The following HERC5 variants were observed in gnomAD, a reference collection of about 807,000 sequenced individuals.
The protein encoded by HERC5 is E3 ISG15--protein ligase HERC5.
Under a neutral mutation model 119.6 loss-of-function variants are expected in HERC5, and 99 were observed. The observed-to-expected ratio is 0.83, with a 90% CI of 0.70 to 0.98. HERC5 has a LOEUF of 0.98. HERC5 is among the 50% of genes least tolerant of loss of function. The pLI is 0.00. For missense variants in HERC5, 1,267 were observed against 1,241.3 expected (o/e 1.02, Z -0.31); for synonymous variants, 478 against 445.9 (o/e 1.07, Z -0.91).
Position 88,470,522 on chromosome 4 carries a change from T to G in HERC5, c.1239-92T>G, listed in dbSNP as rs887845901. 3 of 683,970 alleles carry G rather than the reference T, an allele frequency of 4.4e-6. No homozygotes were observed. The African/African-American group carries it at 5.6e-5, about 13-fold the overall frequency. The allele number at this position is 683,970 out of a possible 1,614,324, so 42.4% of individuals were successfully genotyped here. On this transcript the variant is annotated intron_variant, in intron 9 of 22. Transcript: ENST00000264350. ...AGGTTGGAAGGATAGTTATAAGATG[T>G]GGTATTTATCATGTCTCATGCTGTA... is the stretch of plus-strand genomic sequence containing the variant.
At chr4:88,461,586 C>G (rs143343865) in intron 3 of HERC5, among the ~76,000 whole-genome samples, 6 of 152,222 alleles carry the variant, frequency 3.9e-5, no homozygotes, top group South Asian at 2.1e-4. Context: ...ATTGTCAGCT[C>G]TATCAGATAA....
intron 11 of HERC5, among the ~76,000 whole-genome samples, chr4:88,475,312 TTTTC>T (rs1344630225): frequency 1.3e-4 from 19 of 150,202 alleles, no homozygotes; most frequent in Non-Finnish European, 2.4e-4. Context: ...GTTTTTTTCT[TTTTC>T]TTTCTTTCTT....
intron 20 of HERC5, among the ~76,000 whole-genome samples, chr4:88,503,577 C>T (rs1742009944): frequency 6.6e-6 from 1 of 152,090 alleles, no homozygotes; most frequent in Admixed American, 6.5e-5. Context: ...TTTTACCTTC[C>T]TGGTATATGA....
In HERC5 at chr4:88,458,098, C is replaced by T. The variant is rs1207220758; in HGVS notation, c.265+564C>T. 1.7e-5 allele frequency: 17 copies of T among 984,594 alleles called. No homozygotes were observed. The African/African-American group carries it at 2.8e-4, about 16-fold the overall frequency. 61.0% of individuals were successfully genotyped at this position (984,594 alleles called of 1,614,324 possible). A position where few individuals can be genotyped will look rare whatever the true frequency, so the allele number is the denominator to read the frequency against. On this transcript the variant is annotated intron_variant, in intron 1 of 22. Coordinates refer to ENST00000264350, the MANE Select transcript of HERC5 (RefSeq NM_016323.4). ...GTTTAACTACTGGACGTTTGCGTTC[C>T]TTTTTCGGTAAATTGCCTGTTTATC... is the stretch of plus-strand genomic sequence containing the variant.
chr4:88,482,037 G>A (rs1741294413), intron 13 of HERC5, among the ~76,000 whole-genome samples: 1 of 152,098 alleles, frequency 6.6e-6, no homozygotes, highest in African/African-American at 2.4e-5. Flanking sequence ...TGCTGGGTGT[G>A]GTGGCTCATT....
At position 88,482,309 on chromosome 4, in the gene HERC5, C is replaced by CA. The variant is rs79103658; in HGVS notation, c.1737+2817dup. 7.7e-3 allele frequency among the ~76,000 whole-genome samples: 709 copies of CA among 91,512 alleles called. 2 individuals are homozygous for CA. The highest frequency in any genetic ancestry group is 0.013 in the East Asian group (43 of 3,350). 60.0% of individuals were successfully genotyped at this position (91,512 alleles called of 152,430 possible). On this transcript the variant is annotated intron_variant, in intron 13 of 22. Coordinates refer to ENST00000264350, the MANE Select transcript of HERC5 (RefSeq NM_016323.4). ...TGGGTGACAGAGCAAGACTCCATCTCAAAAAAAAAAAAAAAGGGAAAAGAA... is the reference window on the plus strand; with the variant it reads ...TGGGTGACAGAGCAAGACTCCATCTCAAAAAAAAAAAAAAAAGGGAAAAGAA...
chr4:88,465,157 T>C (rs1740614162), intron 6 of HERC5, among the ~76,000 whole-genome samples: 1 of 152,188 alleles, frequency 6.6e-6, no homozygotes, highest in Non-Finnish European at 1.5e-5. Context: ...TCAGGTGATC[T>C]GCTCGCCTTG....
intron 13 of HERC5, among the ~76,000 whole-genome samples, chr4:88,481,574 T>C (rs576094746): frequency 2.0e-5 from 3 of 152,344 alleles, no homozygotes; most frequent in South Asian, 2.1e-4. Flanking sequence ...AAACTTTTTT[T>C]CTCCCATAAA....
intron 20 of HERC5, among the ~76,000 whole-genome samples, chr4:88,502,013 T>C (rs1741962295): frequency 6.6e-6 from 1 of 152,174 alleles, no homozygotes; most frequent in Non-Finnish European, 1.5e-5. Context: ...TTAGCCAGGA[T>C]GGTCTCCATC....
chr4:88,480,066 C>CA lies in HERC5; in HGVS notation c.1737+578dup, dbSNP rs58577205. On this transcript the variant is annotated intron_variant, in intron 13 of 22. Transcript: ENST00000264350. Reference sequence around the variant, plus strand: ...TGGGCGACAGAGCGAGACTCCGTCTCAAAAAAAAAAAAAAAAAAAGAAATA... The same window carrying CA: ...TGGGCGACAGAGCGAGACTCCGTCTCAAAAAAAAAAAAAAAAAAAAGAAATA... 4.7e-3 allele frequency among the ~76,000 whole-genome samples: 436 copies of CA among 93,610 alleles called. 2 individuals carry two copies. Among genetic ancestry groups the CA allele is most frequent in the Middle Eastern group, 6.3e-3 (1 of 158 alleles). 61.4% of individuals were successfully genotyped at this position (93,610 alleles called of 152,430 possible).
Position 88,504,608 on chromosome 4 carries a change from T to G in HERC5, c.2869+11T>G, listed in dbSNP as rs368237480. On this transcript the variant is annotated intron_variant, in intron 22 of 22. Transcript: ENST00000264350. ...AGAAAAAATTCCTTGGTAAGTATTATATCAAGGAATAGATCTGTAATCGTA... is the reference window on the plus strand; with the variant it reads ...AGAAAAAATTCCTTGGTAAGTATTAGATCAAGGAATAGATCTGTAATCGTA... The G allele has an allele frequency of 1.4e-6, 2 of 1,458,996 alleles. No homozygotes were observed. The highest frequency in any genetic ancestry group is 1.9e-6 in the Non-Finnish European group (2 of 1,079,622). The allele number at this position is 1,458,996 out of a possible 1,614,324, so 90.4% of individuals were successfully genotyped here. A position where few individuals can be genotyped will look rare whatever the true frequency, so the allele number is the denominator to read the frequency against.
At chr4:88,476,180 C>T (rs1741063320) in intron 12 of HERC5, 150 bp downstream of exon 12, 2 of 591,418 alleles carry the variant, frequency 3.4e-6, no homozygotes, top group South Asian at 2.4e-5. Context: ...ATAACAATTA[C>T]CATGGTCATC....
chr4:88,490,449 A>G (rs1239300192), intron 16 of HERC5, among the ~76,000 whole-genome samples: 1 of 152,172 alleles, frequency 6.6e-6, no homozygotes, highest in East Asian at 1.9e-4. Context: ...GCCTGATAAT[A>G]TTTAGTAAAT....
At position 88,469,150 on chromosome 4, in the gene HERC5, T is replaced by C; in HGVS notation, c.1135-7T>C. Reference sequence around the variant, plus strand: ...TTATTGTATTTTACTTTCCTGTTTGTTTACAGAATTCATATGTTAATCTGA... The same window carrying C: ...TTATTGTATTTTACTTTCCTGTTTGCTTACAGAATTCATATGTTAATCTGA... On this transcript the variant is annotated splice_region_variant and splice_polypyrimidine_tract_variant and intron_variant, in intron 8 of 22. Coordinates refer to ENST00000264350, the MANE Select transcript of HERC5 (RefSeq NM_016323.4). 1 of 1,579,264 alleles carries C rather than the reference T, an allele frequency of 6.3e-7. No individual in the cohort carries two copies. Among genetic ancestry groups the C allele is most frequent in the South Asian group, 1.1e-5 (1 of 89,498 alleles).
chr4:88,464,232 G>A (rs1248416697), intron 6 of HERC5, among the ~76,000 whole-genome samples: 1 of 128,024 alleles, frequency 7.8e-6, no homozygotes, highest in African/African-American at 3.0e-5. Flanking sequence ...TCTCCTTAGT[G>A]AAATACCTTT....
intron 1 of HERC5, chr4:88,457,910 T>C (rs1740238206): frequency 9.7e-7 from 1 of 1,028,056 alleles, no homozygotes; most frequent in South Asian, 4.6e-5. Flanking sequence ...TAGTCACTGC[T>C]CCAACTTTGG....
chr4:88,473,497 A>G (rs960934050), intron 11 of HERC5: 1 of 152,148 alleles, frequency 6.6e-6, no homozygotes, highest in African/African-American at 2.4e-5. Flanking sequence ...TCTTTCAAGG[A>G]AAGATGGAAA....
At chr4:88,494,604 G>C (rs1363469633) in intron 18 of HERC5, among the ~76,000 whole-genome samples, 5 of 152,280 alleles carry the variant, frequency 3.3e-5, no homozygotes, top group Admixed American at 1.3e-4. Flanking sequence ...GTTACACCTT[G>C]GTGCAAAATC....
At chr4:88,501,765 A>G (rs774898357) in intron 20 of HERC5, among the ~76,000 whole-genome samples, 1 of 152,120 alleles carries the variant, frequency 6.6e-6, no homozygotes, top group Non-Finnish European at 1.5e-5. Flanking sequence ...ATAGTTGTGT[A>G]TTGTATGAAT....
Sources: allele counts gnomAD v4.1 joint callset (sites outside exome capture counted in the v4.1 genomes callset), GRCh38; gene constraint gnomAD v4.1.1; transcripts MANE v1.5; gene names NCBI Gene and HGNC (gene_info 2026-07-23, HGNC 2026-07-21).